The following CACNA1C variants were observed in gnomAD, a reference collection of about 807,000 sequenced individuals.
The protein encoded by CACNA1C is voltage-dependent L-type calcium channel subunit alpha-1C.
Under a neutral mutation model 229.0 loss-of-function variants are expected in CACNA1C, and 30 were observed. The observed-to-expected ratio is 0.13, with a 90% CI of 0.10 to 0.18. CACNA1C has a LOEUF of 0.18. Ranked by LOEUF, CACNA1C falls within the 10% of genes least tolerant of loss-of-function variation. CACNA1C has a pLI of 1.00. For synonymous variants in CACNA1C, 1,114 were observed against 1,132.5 expected (o/e 0.98, Z 0.33); for missense variants, 1,658 against 2,845.0 (o/e 0.58, Z 9.49).
In CACNA1C at chr12:2,450,539, G is replaced by A. The variant is rs1234397212; in HGVS notation, c.617+1424G>A. Among the ~76,000 whole-genome samples, 7 of 111,124 alleles carry A rather than the reference G, an allele frequency of 6.3e-5. No individual in the cohort carries two copies. The Admixed American group carries it at 7.1e-4, about 11-fold the overall frequency. The allele number at this position is 111,124 out of a possible 152,430, so 72.9% of individuals were successfully genotyped here. On this transcript the variant is annotated intron_variant, in intron 4 of 46. Transcript: ENST00000399655. ...ACTGCACTCCAGCCTGGGCAACAGA[G>A]CGAGACTCCATCTCAAAAAAAAAAA...
chr12:2,435,779 G>A (rs1416014785), intron 3 of CACNA1C, among the ~76,000 whole-genome samples: 2 of 152,234 alleles, frequency 1.3e-5, no homozygotes, highest in African/African-American at 4.8e-5. Flanking sequence ...ATGCACTGTG[G>A]ATAGCACAGG....
At chr12:2,567,131 C>T (rs181853270) in intron 12 of CACNA1C, among the ~76,000 whole-genome samples, 135 of 152,354 alleles carry the variant, frequency 8.9e-4, no homozygotes, top group African/African-American at 3.2e-3. Flanking sequence ...GACCTGGCCC[C>T]ATCCTCCACA....
At chr12:2,255,601 A>C (rs536423433) in intron 3 of CACNA1C, among the ~76,000 whole-genome samples, 4 of 152,348 alleles carry the variant, frequency 2.6e-5, no homozygotes, top group African/African-American at 9.6e-5. Context: ...CAGTTTACTA[A>C]GTGTGTGACA....
At chr12:2,093,400 G>T (rs545326617) in intron 1 of CACNA1C, among the ~76,000 whole-genome samples, 2 of 152,370 alleles carry the variant, frequency 1.3e-5, no homozygotes, top group Non-Finnish European at 2.9e-5. Flanking sequence ...AATGAGACAG[G>T]ACTCTGCTCT....
At chr12:2,023,361 G>A (rs1036113944) in intron 1 of CACNA1C, among the ~76,000 whole-genome samples, 1 of 152,138 alleles carries the variant, frequency 6.6e-6, no homozygotes, top group Non-Finnish European at 1.5e-5. Context: ...GAAGGGCTGA[G>A]TTCTGGCAGG....
chr12:2,500,817 G>A (rs1049399693), intron 7 of CACNA1C, among the ~76,000 whole-genome samples: 3 of 152,176 alleles, frequency 2.0e-5, no homozygotes, highest in African/African-American at 4.8e-5. Flanking sequence ...GTGCCCTCGA[G>A]GCTGTCTGCA....
intron 5 of CACNA1C, among the ~76,000 whole-genome samples, chr12:2,480,731 C>T (rs2154569583): frequency 6.6e-6 from 1 of 152,354 alleles, no homozygotes; most frequent in Middle Eastern, 3.4e-3. Context: ...ATTCTCAGCA[C>T]TGTCTTCTGA....
chr12:2,559,789 G>C (rs1347734290), intron 11 of CACNA1C, among the ~76,000 whole-genome samples: 2 of 152,158 alleles, frequency 1.3e-5, no homozygotes, highest in African/African-American at 2.4e-5. Flanking sequence ...TGTATAGCTA[G>C]TGTGTCCGCA....
At chr12:2,341,819 G>A (rs1365482064) in intron 3 of CACNA1C, among the ~76,000 whole-genome samples, 1 of 152,172 alleles carries the variant, frequency 6.6e-6, no homozygotes, top group African/African-American at 2.4e-5. Flanking sequence ...ATTTCAATGG[G>A]TCAGCCTCTC....
At chr12:2,501,749 G>C (rs1243429867) in intron 7 of CACNA1C, among the ~76,000 whole-genome samples, 1 of 152,182 alleles carries the variant, frequency 6.6e-6, no homozygotes, top group Admixed American at 6.5e-5. Flanking sequence ...CCTTTGCACT[G>C]TTGGTTCAGA....
chr12:2,268,347 T>G (rs191983526), intron 3 of CACNA1C, among the ~76,000 whole-genome samples: 69 of 152,324 alleles, frequency 4.5e-4, no homozygotes, highest in Admixed American at 3.9e-3. Context: ...AAGAATGTTT[T>G]GAACCACACG....
chr12:2,681,230 G>A (rs1276595430), intron 42 of CACNA1C, among the ~76,000 whole-genome samples: 6 of 152,172 alleles, frequency 3.9e-5, no homozygotes, highest in Non-Finnish European at 8.8e-5. Context: ...ATGTTTAGAG[G>A]AGCTGGGGGA....
intron 24 of CACNA1C, among the ~76,000 whole-genome samples, chr12:2,606,386 C>T (rs1167248445): frequency 6.6e-6 from 1 of 152,096 alleles, no homozygotes; most frequent in Admixed American, 6.5e-5. Context: ...GTACAGCTCC[C>T]ATGGACCCGA....
rs1017426472 is a variant in CACNA1C at position 2,486,601 on chromosome 12, T to C, written c.916+339T>C. ...CCCTGAGTATTTTAAGAATCAGAGC[T>C]GACCTGGGGTCGTCAGTCTCTGCTC... On this transcript the variant is annotated intron_variant, in intron 6 of 46. Transcript: ENST00000399655. The surrounding 1 kb of genome is among the most constrained non-coding windows in gnomAD (Gnocchi z 4.9). Among the ~76,000 whole-genome samples, 1 of 152,240 alleles carries C rather than the reference T, an allele frequency of 6.6e-6. No homozygotes were observed. The highest frequency in any genetic ancestry group is 2.4e-5 in the African/African-American group (1 of 41,460).
intron 3 of CACNA1C, among the ~76,000 whole-genome samples, chr12:2,353,250 A>G (rs1188854692): frequency 6.6e-6 from 1 of 152,130 alleles, no homozygotes; most frequent in Non-Finnish European, 1.5e-5. Context: ...ATGCTGGCCT[A>G]TGCAGAAGTT....
intron 3 of CACNA1C, among the ~76,000 whole-genome samples, chr12:2,383,004 G>A (rs1260815011): frequency 6.6e-6 from 1 of 152,204 alleles, no homozygotes; most frequent in South Asian, 2.1e-4. Flanking sequence ...AAGAGAGGCA[G>A]TGTTCCCTAA....
chr12:2,299,952 T>TA (rs2094426197), intron 3 of CACNA1C, among the ~76,000 whole-genome samples: 1 of 152,220 alleles, frequency 6.6e-6, no homozygotes, highest in Non-Finnish European at 1.5e-5. Context: ...ACATTGTAGA[T>TA]ACTCAGTGTG....
chr12:2,080,609 A>AAACAAAG (rs1322037445), intron 1 of CACNA1C, among the ~76,000 whole-genome samples: 1 of 151,986 alleles, frequency 6.6e-6, no homozygotes, highest in African/African-American at 2.4e-5. Flanking sequence ...TCAAAAAAAA[A>AAACAAAG]AACAAAAAAC....
intron 3 of CACNA1C, among the ~76,000 whole-genome samples, chr12:2,249,326 T>C (rs1783094082): frequency 6.6e-6 from 1 of 152,202 alleles, no homozygotes. Flanking sequence ...GTAAATAAAA[T>C]GGTATCAGAA....
Sources: gnomAD v4.1 joint callset for allele counts (sites outside exome capture counted in the v4.1 genomes callset) on GRCh38, gnomAD v4.1.1 for gene constraint, Gnocchi (gnomAD v3.1) non-coding constraint, MANE v1.5 for transcripts, NCBI Gene and HGNC (gene_info 2026-07-23, HGNC 2026-07-21) for gene names.